The following GALNT16 variants were observed in gnomAD, a reference collection of about 807,000 sequenced individuals.
The protein encoded by GALNT16 is UDP-GalNAc:polypeptide N-acetylgalactosaminyltransferase-like protein 1.
A neutral mutation model predicts 76.1 loss-of-function variants in GALNT16; 40 were observed. That is an observed-to-expected ratio of 0.53 (90% confidence interval 0.41 to 0.68). GALNT16 has a LOEUF of 0.68. Among genes scored for constraint, GALNT16 ranks in the 30% least tolerant of loss-of-function variants. GALNT16 has a pLI of 0.00. For missense variants in GALNT16, 621 were observed against 731.9 expected (o/e 0.85, Z 1.75); for synonymous variants, 276 against 285.2 (o/e 0.97, Z 0.32).
intron 1 of GALNT16, among the ~76,000 whole-genome samples, chr14:69,278,789 C>T (rs994012170): frequency 2.0e-5 from 3 of 152,180 alleles, no homozygotes; most frequent in Admixed American, 1.3e-4. Context: ...TTGCACATAG[C>T]ATTGATTAAT....
At chr14:69,286,902 G>A (rs774850342) in intron 1 of GALNT16, among the ~76,000 whole-genome samples, 15 of 152,100 alleles carry the variant, frequency 9.9e-5, no homozygotes, top group Non-Finnish European at 2.1e-4. Flanking sequence ...AAAAAGAAAG[G>A]GAGTGTGATC....
chr14:69,332,107 A>C (rs1448440414), intron 7 of GALNT16, among the ~76,000 whole-genome samples: 1 of 152,276 alleles, frequency 6.6e-6, no homozygotes, highest in African/African-American at 2.4e-5. Context: ...TTAGTGTGAA[A>C]GAATGTAAGA....
the GALNT16 span, among the ~76,000 whole-genome samples, chr14:69,366,127 A>G: frequency 6.6e-6 from 1 of 152,240 alleles, no homozygotes; most frequent in Non-Finnish European, 1.5e-5. Context: ...ATTGGGGAAG[A>G]GCTTTCTGGG....
chr14:69,341,927 G>A (rs1178337884), intron 12 of GALNT16, among the ~76,000 whole-genome samples, 163 bp downstream of exon 12: 1 of 152,138 alleles, frequency 6.6e-6, no homozygotes, highest in East Asian at 1.9e-4. Flanking sequence ...AACTGAGAGG[G>A]CATTACTAGG....
chr14:69,360,346 C>CCTAT (rs1186827290), downstream of GALNT16, among the ~76,000 whole-genome samples: 10 of 149,806 alleles, frequency 6.7e-5, no homozygotes, highest in Non-Finnish European at 1.3e-4. Context: ...AGAGCGAGAC[C>CCTAT]CTATCTCAAA....
intron 13 of GALNT16, 74 bp downstream of exon 13, chr14:69,347,255 C>T (rs1273235764): frequency 2.1e-6 from 3 of 1,400,528 alleles, no homozygotes; most frequent in Non-Finnish European, 2.9e-6. Flanking sequence ...AGGGACTTCC[C>T]CCTACTCATT....
the GALNT16 span, among the ~76,000 whole-genome samples, chr14:69,382,843 C>T: frequency 4.0e-5 from 6 of 150,660 alleles, no homozygotes; most frequent in Non-Finnish European, 7.4e-5. Flanking sequence ...AGCTGTGTGT[C>T]GATGGCTGTT....
chr14:69,260,179 A>C lies in GALNT16; in HGVS notation c.-112A>C. 5.2e-6 allele frequency: 2 copies of C among 386,870 alleles called. No homozygotes were observed. The highest frequency in any genetic ancestry group is 1.7e-5 in the South Asian group (1 of 58,432). The allele number at this position is 386,870 out of a possible 1,614,324, so 24.0% of individuals were successfully genotyped here. ...CTCTCTCCTTTTTCTGCTCTGCAGG[A>C]CTGAGCAGCTAGGCGCGAGCGAAAA... is the stretch of plus-strand genomic sequence containing the variant. On this transcript the variant is annotated 5_prime_UTR_variant, in exon 1 of 15. Coordinates refer to ENST00000448469, the MANE Select transcript of GALNT16 (RefSeq NM_001168368.2).
chr14:69,322,862 G>C (rs1290368409), intron 2 of GALNT16, among the ~76,000 whole-genome samples: 2 of 151,958 alleles, frequency 1.3e-5, no homozygotes, highest in Non-Finnish European at 2.9e-5. Context: ...CCGTACTCCA[G>C]CCTGGGTGCC....
intron 1 of GALNT16, among the ~76,000 whole-genome samples, chr14:69,298,980 G>A (rs2044808846): frequency 6.6e-6 from 1 of 152,250 alleles, no homozygotes; most frequent in Non-Finnish European, 1.5e-5. Flanking sequence ...CAGCTAGAAT[G>A]AACTAGCTTG....
At position 69,333,049 on chromosome 14, in the gene GALNT16, C is replaced by T; in HGVS notation, c.779-36C>T. On this transcript the variant is annotated intron_variant, in intron 7 of 14. Transcript: ENST00000448469. The surrounding 1 kb of genome is among the most constrained non-coding windows in gnomAD (Gnocchi z 4.2). ...AGGGTCTCAGCAGCCCGCAGCTCTG[C>T]CCTGAGCTCTGTCCTCACCTTGCTG... 1 of 1,477,110 alleles carries T rather than the reference C, an allele frequency of 6.8e-7. No individual in the cohort carries two copies. Among genetic ancestry groups the T allele is most frequent in the South Asian group, 1.1e-5 (1 of 88,264 alleles). 91.5% of individuals were successfully genotyped at this position (1,477,110 alleles called of 1,614,324 possible).
In GALNT16 at chr14:69,338,831, C is replaced by A. The variant is rs1468208912; in HGVS notation, c.1094+54C>A. ...TCAGAGGAGGACACCAAGGCCCAAGCCCCCAGCCTTGCCAGTTATCACTAT... is the reference window on the plus strand; with the variant it reads ...TCAGAGGAGGACACCAAGGCCCAAGACCCCAGCCTTGCCAGTTATCACTAT... On this transcript the variant is annotated intron_variant, in intron 10 of 14. Transcript: ENST00000448469. 6 of 1,446,160 alleles carry A rather than the reference C, an allele frequency of 4.1e-6. No individual in the cohort carries two copies. The East Asian group carries it at 9.2e-5, about 22-fold the overall frequency. The allele number at this position is 1,446,160 out of a possible 1,614,324, so 89.6% of individuals were successfully genotyped here. A position where few individuals can be genotyped will look rare whatever the true frequency, so the allele number is the denominator to read the frequency against.
intron 1 of GALNT16, among the ~76,000 whole-genome samples, chr14:69,289,240 C>A (rs1432893966): frequency 6.6e-6 from 1 of 152,110 alleles, no homozygotes; most frequent in East Asian, 1.9e-4. Context: ...GCTGGAGAGT[C>A]TTGAGAGTGG....
intron 1 of GALNT16, among the ~76,000 whole-genome samples, chr14:69,296,802 GAGCTAGAT>G (rs1566869400): frequency 9.2e-6 from 1 of 108,460 alleles, no homozygotes; most frequent in African/African-American, 4.2e-5. Context: ...CAGACAGATA[GAGCTAGAT>G]AGATAGATAG....
chr14:69,346,931 C>T (rs2045572353), intron 12 of GALNT16, 109 bp from the exon 13 acceptor site: 1 of 1,384,828 alleles, frequency 7.2e-7, no homozygotes, highest in African/African-American at 1.4e-5. Flanking sequence ...GGCCCCTTCC[C>T]ACGGAGACCT....
chr14:69,265,907 G>T (rs769642609), intron 1 of GALNT16, among the ~76,000 whole-genome samples: 5 of 152,178 alleles, frequency 3.3e-5, no homozygotes, highest in Admixed American at 6.5e-5. Context: ...TGTATACTCT[G>T]TTATGTTGAT....
intron 5 of GALNT16, among the ~76,000 whole-genome samples, chr14:69,326,696 G>A (rs2045290023): frequency 6.6e-6 from 1 of 152,222 alleles, no homozygotes; most frequent in African/African-American, 2.4e-5. Context: ...CATCAGTCAG[G>A]GGTATGGGCA....
downstream of GALNT16, among the ~76,000 whole-genome samples, chr14:69,361,225 A>C (rs1212153499): frequency 6.6e-6 from 1 of 152,110 alleles, no homozygotes; most frequent in African/African-American, 2.4e-5. Context: ...TTCTATGAGT[A>C]CTCCATTCAA....
chr14:69,322,784 G>C (rs183658473), intron 2 of GALNT16, among the ~76,000 whole-genome samples: 1 of 152,042 alleles, frequency 6.6e-6, no homozygotes, highest in African/African-American at 2.4e-5. Flanking sequence ...TCAGCTACTC[G>C]GGAGGCTAAG....
Sources: gnomAD v4.1 joint callset for allele counts (sites outside exome capture counted in the v4.1 genomes callset) on GRCh38, gnomAD v4.1.1 for gene constraint, Gnocchi (gnomAD v3.1) non-coding constraint, MANE v1.5 for transcripts, NCBI Gene and HGNC (gene_info 2026-07-23, HGNC 2026-07-21) for gene names.